Variants in GPR174 observed in about 807,000 individuals in gnomAD.
The protein encoded by GPR174 is probable G protein-coupled receptor 174.
GPR174 carries 8 observed loss-of-function variants against 16.5 expected under a neutral mutation model. That is an observed-to-expected ratio of 0.48 (90% CI 0.28 to 0.87). The LOEUF (loss-of-function observed/expected upper bound fraction) is 0.87, where lower values mean the gene tolerates loss of function less well. GPR174 is among the 40% of genes least tolerant of loss of function. The probability of loss-of-function intolerance (pLI) is 0.09; values close to 1 mark genes in which losing one functional copy is unlikely to be tolerated. For synonymous variants in GPR174, 111 were observed against 94.8 expected (o/e 1.17, Z -0.99); for missense variants, 214 against 247.5 (o/e 0.86, Z 0.91).
At position 79,170,972 on chromosome X, in the gene GPR174, C is replaced by G; in HGVS notation, c.-36C>G. On this transcript the variant is annotated 5_prime_UTR_variant, in exon 3 of 3. Transcript: ENST00000645147. ...GTTGATTGTGAATTTAGTTTTGAAC[C>G]ACCATTAGGCAAAGATAGTTTCTCT... 1 of 1,115,295 alleles carries G rather than the reference C, an allele frequency of 9.0e-7. No individual in the cohort carries two copies. The highest frequency in any genetic ancestry group is 1.2e-6 in the Non-Finnish European group (1 of 833,998). 91.9% of individuals were successfully genotyped at this position (1,115,295 alleles called of 1,213,427 possible).
intron 1 of GPR174, among the ~76,000 whole-genome samples, chrX:79,147,004 C>A (rs1926513612): frequency 8.9e-6 from 1 of 111,788 alleles, no homozygotes; most frequent in African/African-American, 3.3e-5. Context: ...CACCCAAAAC[C>A]TTCTTTTTAT....
intron 2 of GPR174, among the ~76,000 whole-genome samples, chrX:79,167,045 G>T (rs750643902): frequency 8.9e-6 from 1 of 111,747 alleles, no homozygotes; most frequent in Non-Finnish European, 1.9e-5. Context: ...GGCCTTGGAG[G>T]ACAGGCAGGA....
rs1435145072 is a variant in GPR174, at chrX:79,145,065, T to C, written c.-806T>C. 1 of 99,191 alleles carries C rather than the reference T, an allele frequency of 1.0e-5. No individual in the cohort carries two copies. Among genetic ancestry groups the C allele is most frequent in the Admixed American group, 1.2e-4 (1 of 8,624 alleles). The allele number at this position is 99,191 out of a possible 1,213,427, so 8.2% of individuals were successfully genotyped here. ...TTCTTTCTTTCTTTCTTTCTTTCTT[T>C]TTTTTCTCCTTTTGCTAGTGAAGGA... is the stretch of plus-strand genomic sequence containing the variant. On this transcript the variant is annotated 5_prime_UTR_variant, in exon 1 of 3. Transcript: ENST00000645147.
At chrX:79,160,062 T>C (rs1424420212) in intron 2 of GPR174, among the ~76,000 whole-genome samples, 1 of 112,269 alleles carries the variant, frequency 8.9e-6, no homozygotes, top group Non-Finnish European at 1.9e-5. Flanking sequence ...TATGCTTATC[T>C]TAATGATGCT....
At chrX:79,145,413 G>A (rs1000942238) in intron 1 of GPR174, among the ~76,000 whole-genome samples, 196 bp downstream of exon 1, 1 of 111,307 alleles carries the variant, frequency 9.0e-6, no homozygotes, top group African/African-American at 3.3e-5. Context: ...ATGACGGGCT[G>A]CCGGAGGAGG....
At chrX:79,160,523 T>C (rs1310422700) in intron 2 of GPR174, among the ~76,000 whole-genome samples, 2 of 111,590 alleles carry the variant, frequency 1.8e-5, no homozygotes, top group Non-Finnish European at 3.8e-5. Flanking sequence ...AAGTACTAAG[T>C]GTGTGTGGTG....
chrX:79,145,051 T>G lies in GPR174; in HGVS notation c.-820T>G, dbSNP rs1272321357. 4.4e-5 allele frequency: 4 copies of G among 91,367 alleles called. No individual in the cohort carries two copies. Among genetic ancestry groups the G allele is most frequent in the African/African-American group, 1.7e-4 (4 of 24,210 alleles). The allele number at this position is 91,367 out of a possible 1,213,427, so 7.5% of individuals were successfully genotyped here. On this transcript the variant is annotated 5_prime_UTR_variant, in exon 1 of 3. Coordinates refer to ENST00000645147, the MANE Select transcript of GPR174 (RefSeq NM_032553.3). ...CTTTCTTTCTTTCTTTCTTTCTTTC[T>G]TTCTTTCTTTCTTTTTTTTCTCCTT...
chrX:79,149,923 A>G (rs1322517541), intron 1 of GPR174, among the ~76,000 whole-genome samples: 1 of 108,599 alleles, frequency 9.2e-6, no homozygotes, highest in African/African-American at 3.4e-5. Flanking sequence ...AATAGAGACT[A>G]TAACCTGGAT....
chrX:79,169,997 C>T (rs1921469054), intron 2 of GPR174, among the ~76,000 whole-genome samples: 1 of 112,014 alleles, frequency 8.9e-6, no homozygotes, highest in African/African-American at 3.2e-5. Flanking sequence ...CCCATGAATA[C>T]TCAATCAGAA....
intron 1 of GPR174, among the ~76,000 whole-genome samples, chrX:79,155,131 C>T (rs1921065644): frequency 8.9e-6 from 1 of 112,283 alleles, no homozygotes; most frequent in Non-Finnish European, 1.9e-5. Flanking sequence ...CCTGCTCAGT[C>T]ACTAAACTCT....
rs755420410 is a variant in GPR174, at chrX:79,171,142, T to C, written c.135T>C (p.Tyr45=). 9.9e-6 allele frequency: 12 copies of C among 1,206,093 alleles called. No homozygotes were observed. Among genetic ancestry groups the C allele is most frequent in the African/African-American group, 7.0e-5 (4 of 57,167 alleles). The part of the protein sequence containing the change: ...IGNILALWVF[Y]GYMKETKRAV... ...ATATATTAGCCCTGTGGGTATTCTA[T>C]GGTTATATGAAAGAAACAAAACGAG... Residue 45 remains tyrosine (Y), a synonymous_variant, in exon 3 of 3, where the codon TAT becomes TAC. Coordinates refer to ENST00000645147, the MANE Select transcript of GPR174 (RefSeq NM_032553.3).
In GPR174 at chrX:79,145,062, CTTTT is replaced by C. The variant is rs1247700703; in HGVS notation, c.-804_-801del. The C allele has an allele frequency of 5.4e-5, 3 of 55,735 alleles. No homozygotes were observed. Among genetic ancestry groups the C allele is most frequent in the Non-Finnish European group, 1.0e-4 (3 of 28,839 alleles). 4.6% of individuals were successfully genotyped at this position (55,735 alleles called of 1,213,427 possible). A position where few individuals can be genotyped will look rare whatever the true frequency, so the allele number is the denominator to read the frequency against. On this transcript the variant is annotated 5_prime_UTR_variant, in exon 1 of 3. Coordinates refer to ENST00000645147, the MANE Select transcript of GPR174 (RefSeq NM_032553.3). ...TCTTTCTTTCTTTCTTTCTTTCTTT[CTTTT>C]TTTTCTCCTTTTGCTAGTGAAGGAG... is the stretch of plus-strand genomic sequence containing the variant.
rs767082687 is a variant in GPR174, at chrX:79,161,855, C to T, written c.-557+4937C>T. Among the ~76,000 whole-genome samples, 192 of 111,842 alleles carry T rather than the reference C, an allele frequency of 1.7e-3. 2 individuals carry two copies. The highest frequency in any genetic ancestry group is 3.0e-3 in the Non-Finnish European group (159 of 53,088). On this transcript the variant is annotated intron_variant, in intron 2 of 2. Coordinates refer to ENST00000645147, the MANE Select transcript of GPR174 (RefSeq NM_032553.3). ...GCTATGATAGGGAAAATAAAAATAG[C>T]ACTACATTGCCACAAAGAAGTGTGG...
chrX:79,147,739 C>T lies in GPR174; in HGVS notation c.-654+2522C>T, dbSNP rs769968812. On this transcript the variant is annotated intron_variant, in intron 1 of 2. Coordinates refer to ENST00000645147, the MANE Select transcript of GPR174 (RefSeq NM_032553.3). ...CTTGTCTGACAGAAACAGACATATG[C>T]GGTTGATCAACTAAGGTGAGAGTGT... Among the ~76,000 whole-genome samples, 30 of 110,651 alleles carry T rather than the reference C, an allele frequency of 2.7e-4. No homozygotes were observed. In the South Asian group the frequency reaches 4.2e-3, roughly 16 times the overall value.
chrX:79,150,215 AG>A (rs893319630), intron 1 of GPR174, among the ~76,000 whole-genome samples: 6 of 111,632 alleles, frequency 5.4e-5, no homozygotes, highest in African/African-American at 2.0e-4. Flanking sequence ...GTAAAACTAT[AG>A]GCTAAATCAA....
At chrX:79,160,755 G>A (rs1368718323) in intron 2 of GPR174, among the ~76,000 whole-genome samples, 3 of 111,518 alleles carry the variant, frequency 2.7e-5, no homozygotes, top group Non-Finnish European at 5.7e-5. Flanking sequence ...ATAATATTAC[G>A]GAGAAGGTCA....
In GPR174 at chrX:79,153,495, T is replaced by G. The variant is rs140356837; in HGVS notation, c.-653-3327T>G. Reference sequence around the variant, plus strand: ...CCAGCAGAAATGAATGAACTCAATGTAAAGAGAATATCTGTGTTTCTATAT... The same window carrying G: ...CCAGCAGAAATGAATGAACTCAATGGAAAGAGAATATCTGTGTTTCTATAT... On this transcript the variant is annotated intron_variant, in intron 1 of 2. Transcript: ENST00000645147. Among the ~76,000 whole-genome samples, 181 of 111,719 alleles carry G rather than the reference T, an allele frequency of 1.6e-3. 1 individual carries two copies. The highest frequency in any genetic ancestry group is 5.5e-3 in the African/African-American group (168 of 30,800).
In GPR174 at chrX:79,144,986, C is replaced by CTT. The variant is rs1926459445; in HGVS notation, c.-883_-882dup. On this transcript the variant is annotated 5_prime_UTR_variant, in exon 1 of 3. Coordinates refer to ENST00000645147, the MANE Select transcript of GPR174 (RefSeq NM_032553.3). ...TCTTTCTCTTTCTTTCTTTTTCTTT[C>CTT]TTTCTTTCTCTCTCTCTCTCTTTCT... The CTT allele has an allele frequency of 5.7e-5, 3 of 53,080 alleles. No individual in the cohort carries two copies. Among genetic ancestry groups the CTT allele is most frequent in the Non-Finnish European group, 1.1e-4 (3 of 27,092 alleles). 4.4% of individuals were successfully genotyped at this position (53,080 alleles called of 1,213,427 possible). A position where few individuals can be genotyped will look rare whatever the true frequency, so the allele number is the denominator to read the frequency against.
chrX:79,160,762 G>A (rs1003490654), intron 2 of GPR174, among the ~76,000 whole-genome samples: 29 of 111,706 alleles, frequency 2.6e-4, no homozygotes, highest in African/African-American at 9.4e-4. Context: ...TACGGAGAAG[G>A]TCAGACAAAC....
Sources: gnomAD v4.1 joint callset for allele counts (sites outside exome capture counted in the v4.1 genomes callset) on GRCh38, gnomAD v4.1.1 for gene constraint, MANE v1.5 for transcripts, NCBI Gene and HGNC (gene_info 2026-07-23, HGNC 2026-07-21) for gene names.